CDH12: variants seen among roughly 807,000 people sequenced by gnomAD.
CDH12 encodes the protein cadherin 12, also known as cadherin-12.
In CDH12, 41 loss-of-function variants were observed where a neutral mutation model predicts 74.1. The ratio of observed to expected loss-of-function variants is 0.55; its 90% confidence interval spans 0.43 to 0.72. The LOEUF is 0.72. CDH12 is among the 30% of genes least tolerant of loss of function. CDH12 has a pLI of 0.00. For synonymous variants in CDH12, 399 were observed against 355.0 expected, an observed-to-expected ratio of 1.12 and a Z score of -1.39; for missense variants, 945 against 977.2, an observed-to-expected ratio of 0.97 and a Z score of 0.44.
chr5:22,673,621 C>T (rs1741016801), intron 1 of CDH12, among the ~76,000 whole-genome samples: 1 of 152,076 alleles, frequency 6.6e-6, no homozygotes, highest in African/African-American at 2.4e-5. Flanking sequence ...TTTACCTAAG[C>T]TCACTAGTTC....
chr5:22,792,086 CTT>C (rs757562010), intron 1 of CDH12, among the ~76,000 whole-genome samples: 113 of 125,318 alleles, frequency 9.0e-4, no homozygotes, highest in Non-Finnish European at 1.1e-3. Context: ...TGAACTAGGG[CTT>C]TTTTTTTTTT....
At chr5:22,611,882 T>C (rs888614717) in intron 1 of CDH12, among the ~76,000 whole-genome samples, 2 of 152,056 alleles carry the variant, frequency 1.3e-5, no homozygotes, top group Admixed American at 6.6e-5. Context: ...GAGCCTTTGT[T>C]TGGATTCTCA....
intron 10 of CDH12, among the ~76,000 whole-genome samples, chr5:21,788,781 C>A (rs1746335027): frequency 1.3e-5 from 2 of 152,100 alleles, no homozygotes; most frequent in South Asian, 4.1e-4. Context: ...GACTTTGGTA[C>A]CATTAAGCCA....
intron 1 of CDH12, among the ~76,000 whole-genome samples, chr5:22,833,450 A>G (rs1481009514): frequency 6.6e-6 from 1 of 152,332 alleles, no homozygotes; most frequent in Non-Finnish European, 1.5e-5. Flanking sequence ...AAGTCATATT[A>G]CAATTAAAAA....
chr5:22,171,055 T>C (rs1301854862), intron 4 of CDH12, among the ~76,000 whole-genome samples: 1 of 151,910 alleles, frequency 6.6e-6, no homozygotes, highest in African/African-American at 2.4e-5. Flanking sequence ...AAATTAGATA[T>C]GCTTCCATGT....
At chr5:22,691,016 T>C (rs1742054780) in intron 1 of CDH12, among the ~76,000 whole-genome samples, 1 of 152,162 alleles carries the variant, frequency 6.6e-6, no homozygotes, top group Admixed American at 6.5e-5. Flanking sequence ...TAGCTAGATA[T>C]GATATTTTGT....
chr5:21,760,777 G>T, intron 12 of CDH12, 102 bp from the exon 13 acceptor site: 1 of 737,952 alleles, frequency 1.4e-6, no homozygotes, highest in Admixed American at 2.3e-5. Flanking sequence ...AGACAGAAAT[G>T]GCACTTTTTG....
intron 1 of CDH12, among the ~76,000 whole-genome samples, chr5:22,674,681 A>G (rs1037832226): frequency 2.6e-5 from 4 of 152,148 alleles, no homozygotes; most frequent in Non-Finnish European, 5.9e-5. Context: ...GCTTTGACAA[A>G]AATTCTGATA....
intron 5 of CDH12, among the ~76,000 whole-genome samples, chr5:22,070,963 C>T (rs1467102643): frequency 6.6e-6 from 1 of 152,054 alleles, no homozygotes; most frequent in African/African-American, 2.4e-5. Flanking sequence ...GCAACACACA[C>T]TGCAGCCTGT....
chr5:22,106,162 A>T (rs1744430187), intron 4 of CDH12, among the ~76,000 whole-genome samples: 1 of 152,166 alleles, frequency 6.6e-6, no homozygotes, highest in Non-Finnish European at 1.5e-5. Flanking sequence ...GAGGAGCAGG[A>T]AAGGTAACTA....
chr5:22,553,131 C>T (rs185806547), intron 1 of CDH12, among the ~76,000 whole-genome samples: 3 of 151,988 alleles, frequency 2.0e-5, no homozygotes, highest in African/African-American at 7.2e-5. Flanking sequence ...CTTTTAAATC[C>T]TAAGGAGAAT....
chr5:22,104,816 G>A (rs1744334755), intron 4 of CDH12, among the ~76,000 whole-genome samples: 1 of 152,030 alleles, frequency 6.6e-6, no homozygotes, highest in African/African-American at 2.4e-5. Flanking sequence ...TTTTCAGTGA[G>A]AGATGTATAC....
chr5:21,987,139 C>T (rs1467400888), intron 5 of CDH12, among the ~76,000 whole-genome samples: 1 of 151,802 alleles, frequency 6.6e-6, no homozygotes, highest in East Asian at 1.9e-4. Flanking sequence ...TTATTTTCTC[C>T]TTTATTTTTT....
At chr5:22,333,233 C>T (rs1216119193) in intron 3 of CDH12, among the ~76,000 whole-genome samples, 1 of 151,864 alleles carries the variant, frequency 6.6e-6, no homozygotes, top group African/African-American at 2.4e-5. Flanking sequence ...CCAAAAACCG[C>T]ATGTTTTCAC....
At chr5:21,937,483 G>A (rs1468366161) in intron 6 of CDH12, among the ~76,000 whole-genome samples, 6 of 152,120 alleles carry the variant, frequency 3.9e-5, no homozygotes, top group Non-Finnish European at 7.4e-5. Context: ...CATAAAGGAA[G>A]AAATGGTAAT....
intron 6 of CDH12, among the ~76,000 whole-genome samples, chr5:21,866,465 T>C (rs945278980): frequency 6.6e-6 from 1 of 152,180 alleles, no homozygotes; most frequent in Non-Finnish European, 1.5e-5. Context: ...GTGGAATCTG[T>C]TGGCAACTGG....
At chr5:22,687,186 C>T (rs1391522192) in intron 1 of CDH12, among the ~76,000 whole-genome samples, 3 of 151,934 alleles carry the variant, frequency 2.0e-5, no homozygotes, top group Non-Finnish European at 2.9e-5. Flanking sequence ...CCCAGCCTCT[C>T]GGGAGGTTGA....
At chr5:21,996,409 A>G (rs1289462470) in intron 5 of CDH12, among the ~76,000 whole-genome samples, 2 of 152,222 alleles carry the variant, frequency 1.3e-5, no homozygotes, top group Non-Finnish European at 2.9e-5. Flanking sequence ...TTCTGTTGGC[A>G]TAAAATCAGG....
chr5:22,750,300 T>C (rs535704341), intron 1 of CDH12, among the ~76,000 whole-genome samples: 1 of 152,138 alleles, frequency 6.6e-6, no homozygotes, highest in African/African-American at 2.4e-5. Context: ...TTGAATATCA[T>C]GTTGAGAAAA....
Sources: allele counts gnomAD v4.1 joint callset (sites outside exome capture counted in the v4.1 genomes callset), GRCh38; gene constraint gnomAD v4.1.1; transcripts MANE v1.5; gene names NCBI Gene and HGNC (gene_info 2026-07-23, HGNC 2026-07-21).